Variants in DCC observed in about 807,000 individuals in gnomAD.
DCC encodes netrin receptor DCC.
A neutral mutation model predicts 172.5 loss-of-function variants in DCC; 58 were observed. The ratio of observed to expected loss-of-function variants is 0.34; its 90% CI spans 0.27 to 0.42. The LOEUF is 0.42. Ranked by LOEUF, DCC falls within the 10% of genes least tolerant of loss-of-function variation. DCC has a pLI of 1.00. For missense variants in DCC, 1,740 were observed against 1,791.0 expected (o/e 0.97, Z 0.51); for synonymous variants, 709 against 644.5 (o/e 1.10, Z -1.52).
At chr18:53,417,875 T>C (rs1320853996) in intron 21 of DCC, among the ~76,000 whole-genome samples, 1 of 152,150 alleles carries the variant, frequency 6.6e-6, no homozygotes, top group East Asian at 1.9e-4. Flanking sequence ...ACCACACATA[T>C]ATTCTGTAAA....
chr18:53,039,924 T>C (rs188678807), intron 5 of DCC, among the ~76,000 whole-genome samples: 94 of 152,116 alleles, frequency 6.2e-4, no homozygotes, highest in African/African-American at 2.1e-3. Flanking sequence ...ATATCTATTG[T>C]CTGTGCAGCT....
At chr18:52,601,595 T>A (rs1444761762) in intron 1 of DCC, among the ~76,000 whole-genome samples, 1 of 152,088 alleles carries the variant, frequency 6.6e-6, no homozygotes, top group African/African-American at 2.4e-5. Context: ...TTTTGAACTA[T>A]TAACTCCTTC....
chr18:52,588,855 G>T (rs1268703033), intron 1 of DCC, among the ~76,000 whole-genome samples: 1 of 151,016 alleles, frequency 6.6e-6, no homozygotes, highest in Non-Finnish European at 1.5e-5. Flanking sequence ...CCAATGATAT[G>T]CCAACAGCAT....
chr18:53,209,992 A>G (rs189648927), intron 11 of DCC, among the ~76,000 whole-genome samples: 13 of 152,340 alleles, frequency 8.5e-5, no homozygotes, highest in East Asian at 1.9e-4. Flanking sequence ...CCTAACCCCA[A>G]TAAACATCAC....
chr18:53,089,457 A>C (rs1450102180), intron 7 of DCC, among the ~76,000 whole-genome samples: 1 of 152,102 alleles, frequency 6.6e-6, no homozygotes, highest in African/African-American at 2.4e-5. Context: ...TTGTCTATGG[A>C]AAAAGAAGGC....
chr18:52,704,193 G>A (rs77817445), intron 1 of DCC, among the ~76,000 whole-genome samples: 1 of 151,900 alleles, frequency 6.6e-6, no homozygotes, highest in East Asian at 1.9e-4. Flanking sequence ...ACCTTTGTAT[G>A]TGATGAAATT....
At chr18:53,502,364 G>T (rs1158086361) in intron 27 of DCC, among the ~76,000 whole-genome samples, 2 of 152,068 alleles carry the variant, frequency 1.3e-5, no homozygotes, top group African/African-American at 4.8e-5. Flanking sequence ...CTTACCTCAT[G>T]ATTTTCAAAT....
intron 2 of DCC, among the ~76,000 whole-genome samples, chr18:52,838,214 A>G (rs2038745631): frequency 6.6e-6 from 1 of 152,108 alleles, no homozygotes; most frequent in Non-Finnish European, 1.5e-5. Flanking sequence ...AACTTTATAA[A>G]ATTTTTATTT....
chr18:52,860,282 T>TA (rs770700180), intron 2 of DCC, among the ~76,000 whole-genome samples: 55 of 152,368 alleles, frequency 3.6e-4, no homozygotes, highest in Non-Finnish European at 6.0e-4. Context: ...AAAAGCTGCT[T>TA]ATATATAAGT....
intron 8 of DCC, among the ~76,000 whole-genome samples, chr18:53,158,325 AT>A (rs949597077): frequency 6.6e-6 from 1 of 152,078 alleles, no homozygotes; most frequent in Non-Finnish European, 1.5e-5. Flanking sequence ...AATCCATTGC[AT>A]TTTTTTCTCA....
intron 7 of DCC, among the ~76,000 whole-genome samples, chr18:53,153,807 G>A (rs9955274): frequency 0.37 from 56,430 of 151,950 alleles, 11,969 homozygotes; most frequent in East Asian, 0.71. Context: ...GAAGGCCTAG[G>A]CAATTGCAGG....
intron 12 of DCC, among the ~76,000 whole-genome samples, chr18:53,301,026 C>G (rs2057134266): frequency 5.2e-5 from 2 of 38,486 alleles, no homozygotes. Context: ...TCTTTCTTTT[C>G]TTTTTCTTTT....
chr18:53,042,440 C>T (rs117312977), intron 5 of DCC, among the ~76,000 whole-genome samples: 13,356 of 151,908 alleles, frequency 0.088, 832 homozygotes, highest in Non-Finnish European at 0.13. Flanking sequence ...CATCGATGTT[C>T]GTCAGGCATA....
At position 52,736,249 on chromosome 18, in the gene DCC, G is replaced by A. The variant is rs77468528; in HGVS notation, c.92-15805G>A. On this transcript the variant is annotated intron_variant, in intron 1 of 28. Coordinates refer to ENST00000442544, the MANE Select transcript of DCC (RefSeq NM_005215.4). ...CTGACCAATAGGATCAAAAGAGGCT[G>A]TTATCAATCACTCTTAATTTACTGT... Among the ~76,000 whole-genome samples the A allele has an allele frequency of 6.8e-3, 1,004 of 148,648 alleles. 13 individuals carry two copies. The highest frequency in any genetic ancestry group is 0.024 in the African/African-American group (961 of 40,372).
At chr18:53,079,136 A>G (rs181581775) in intron 7 of DCC, among the ~76,000 whole-genome samples, 1 of 152,276 alleles carries the variant, frequency 6.6e-6, no homozygotes, top group Admixed American at 6.5e-5. Flanking sequence ...GAATAAAAGT[A>G]CTATGTAGCT....
intron 8 of DCC, among the ~76,000 whole-genome samples, chr18:53,165,818 G>A (rs754738963): frequency 6.6e-6 from 1 of 152,164 alleles, no homozygotes; most frequent in Non-Finnish European, 1.5e-5. Flanking sequence ...AATCTTGAAA[G>A]GTTCGTCTTA....
At chr18:53,489,360 A>G (rs778896291) in intron 26 of DCC, among the ~76,000 whole-genome samples, 5 of 152,136 alleles carry the variant, frequency 3.3e-5, no homozygotes, top group Non-Finnish European at 5.9e-5. Context: ...AATAAATAAC[A>G]CTCACCCTCC....
chr18:52,869,353 A>G (rs2039281040), intron 2 of DCC, among the ~76,000 whole-genome samples: 1 of 152,196 alleles, frequency 6.6e-6, no homozygotes, highest in Non-Finnish European at 1.5e-5. Flanking sequence ...TCCTGTCTAT[A>G]GCTGGTCGTC....
intron 1 of DCC, among the ~76,000 whole-genome samples, chr18:52,527,980 C>A (rs2032034341): frequency 6.6e-6 from 1 of 152,112 alleles, no homozygotes; most frequent in South Asian, 2.1e-4. Flanking sequence ...AATTTGCCTG[C>A]CTTTCCAAAG....
Sources: allele counts gnomAD v4.1 joint callset (sites outside exome capture counted in the v4.1 genomes callset), GRCh38; gene constraint gnomAD v4.1.1; transcripts MANE v1.5; gene names NCBI Gene and HGNC (gene_info 2026-07-23, HGNC 2026-07-21).